Variants in IFT46 observed in about 807,000 individuals in gnomAD.
The protein encoded by IFT46 is intraflagellar transport 46.
IFT46 carries 19 observed loss-of-function variants against 39.6 expected under a neutral mutation model. The observed-to-expected ratio is 0.48, with a 90% CI of 0.33 to 0.70. IFT46 has a LOEUF of 0.70. Among genes scored for constraint, IFT46 ranks in the 30% least tolerant of loss-of-function variants. The pLI is 0.01. For synonymous variants in IFT46, 117 were observed against 134.8 expected (o/e 0.87, Z 0.91); for missense variants, 334 against 364.8 (o/e 0.92, Z 0.69).
upstream of IFT46, among the ~76,000 whole-genome samples, chr11:118,566,522 C>T (rs1198754290): frequency 6.6e-6 from 1 of 152,146 alleles, no homozygotes; most frequent in Non-Finnish European, 1.5e-5. Context: ...GAAACCCCGT[C>T]TCTACTAAAA....
upstream of IFT46, among the ~76,000 whole-genome samples, chr11:118,576,299 ATT>A (rs1218323180): frequency 1.1e-4 from 16 of 144,048 alleles, no homozygotes; most frequent in Admixed American, 2.8e-4. Flanking sequence ...TTATGAGGGA[ATT>A]TTTTTTTTTT....
exon 1 of IFT46, chr11:118,572,711 C>A (rs559487373): frequency 3.9e-6 from 3 of 774,270 alleles, no homozygotes; most frequent in South Asian, 4.0e-5. Context: ...TGTGCCCGGT[C>A]TCCTGGAGAT....
At chr11:118,553,869 T>C (rs561324513) in intron 7 of IFT46, among the ~76,000 whole-genome samples, 42 of 152,238 alleles carry the variant, frequency 2.8e-4, no homozygotes, top group Admixed American at 2.2e-3. Context: ...TAGTAATGGG[T>C]ATGAAGTTTC....
chr11:118,557,624 A>G lies in IFT46; in HGVS notation c.46-579T>C. On this transcript the variant is annotated intron_variant, in intron 3 of 11. Transcript: ENST00000264021. ...TTTTTGTTCAGTGATATTTCTCTTC[A>G]TGGAGTATCTGACCTATCTGTATTT... is the stretch of plus-strand genomic sequence containing the variant. The G allele has an allele frequency of 2.4e-6, 3 of 1,252,434 alleles. No homozygotes were observed. The South Asian group carries it at 3.9e-5, about 16-fold the overall frequency. The allele number at this position is 1,252,434 out of a possible 1,614,324, so 77.6% of individuals were successfully genotyped here. A position where few individuals can be genotyped will look rare whatever the true frequency, so the allele number is the denominator to read the frequency against.
chr11:118,563,836 C>G (rs541229939), intron 2 of IFT46, among the ~76,000 whole-genome samples: 275 of 152,222 alleles, frequency 1.8e-3, no homozygotes, highest in Non-Finnish European at 3.0e-3. Context: ...TACTTTTCCT[C>G]AGTGTCTGGA....
At chr11:118,550,881 GC>G (rs1481671778) in intron 9 of IFT46, among the ~76,000 whole-genome samples, 1 of 151,632 alleles carries the variant, frequency 6.6e-6, no homozygotes, top group Non-Finnish European at 1.5e-5. Flanking sequence ...ACAAAAATTA[GC>G]CAGGCACAGT....
At chr11:118,545,074 A>G in intron 11 of IFT46, 63 bp from the exon 12 acceptor site, 2 of 1,189,366 alleles carry the variant, frequency 1.7e-6, no homozygotes, top group Non-Finnish European at 2.5e-6. Flanking sequence ...TATTTTAACA[A>G]GAATTAATTT....
chr11:118,557,010 C>T lies in IFT46; in HGVS notation c.81G>A (p.Arg27=), dbSNP rs138493702. The T allele has an allele frequency of 9.9e-6, 16 of 1,611,876 alleles. No individual in the cohort carries two copies. In the African/African-American group the frequency reaches 2.0e-4, roughly 20 times the overall value. The change falls in exon 4 of 12, where the codon CGG becomes CGA. Residue 27 remains arginine (R), a synonymous_variant. Coordinates refer to ENST00000264021, the MANE Select transcript of IFT46 (RefSeq NM_001168618.2). ...KKKTSQLTPQ[R]GFSENEDDDD... Reference sequence around the variant, plus strand: ...CGTCATCCTCATTTTCACTAAAGCCCCGTTGAGGTGTCAACTGTGAGGTCT... The same window carrying T: ...CGTCATCCTCATTTTCACTAAAGCCTCGTTGAGGTGTCAACTGTGAGGTCT...
chr11:118,560,216 T>C (rs1340525304), intron 2 of IFT46: 1 of 195,874 alleles, frequency 5.1e-6, no homozygotes, highest in Non-Finnish European at 1.0e-5. Context: ...AGTTTGAGCC[T>C]AGACTGGACA....
chr11:118,560,149 A>G (rs1937990953), intron 2 of IFT46: 2 of 343,060 alleles, frequency 5.8e-6, no homozygotes, highest in Non-Finnish European at 1.1e-5. Flanking sequence ...GCAGTGGCTC[A>G]TGCCTATAAT....
intron 9 of IFT46, among the ~76,000 whole-genome samples, chr11:118,550,929 A>G (rs1225292336): frequency 6.6e-6 from 1 of 150,686 alleles, no homozygotes; most frequent in African/African-American, 2.4e-5. Flanking sequence ...TGGGAGGCTG[A>G]GGCAGGAGAA....
upstream of IFT46, among the ~76,000 whole-genome samples, chr11:118,573,129 C>T (rs189312935): frequency 2.9e-3 from 446 of 152,330 alleles, 1 homozygote; most frequent in Non-Finnish European, 4.8e-3. Context: ...ACCCAAGTGT[C>T]TCTGAAACCT....
upstream of IFT46, chr11:118,572,997 T>C (rs1222036532): frequency 5.5e-6 from 1 of 183,126 alleles, no homozygotes; most frequent in African/African-American, 2.3e-5. Flanking sequence ...CCCCGGTGTT[T>C]GCTAGGCCGT....
Position 118,554,485 on chromosome 11 carries a change from C to CT in IFT46, c.456dup (p.Glu153ArgfsTer4). 6.2e-7 allele frequency: 1 copy of CT among 1,612,874 alleles called. No individual in the cohort carries two copies. The highest frequency in any genetic ancestry group is 8.5e-7 in the Non-Finnish European group (1 of 1,179,578). On this transcript the variant is annotated frameshift_variant, in exon 7 of 12. Coordinates refer to ENST00000264021, the MANE Select transcript of IFT46 (RefSeq NM_001168618.2). LOFTEE classifies it high-confidence loss of function. Reference sequence around the variant, plus strand: ...GTGATGTTGTGCTGCTTAGAATTCTCTGTTAACCAGAGTGAGAGCACCGTA... The same window carrying CT: ...GTGATGTTGTGCTGCTTAGAATTCTCTTGTTAACCAGAGTGAGAGCACCGTA...
At chr11:118,550,673 CTTTAA>C (rs1462374470) in intron 9 of IFT46, among the ~76,000 whole-genome samples, 4 of 152,160 alleles carry the variant, frequency 2.6e-5, no homozygotes, top group Non-Finnish European at 5.9e-5. Context: ...CAGAAACCTA[CTTTAA>C]TTTTTTTCAA....
chr11:118,555,524 A>G, intron 4 of IFT46: 1 of 496,390 alleles, frequency 2.0e-6, no homozygotes, highest in Admixed American at 3.6e-5. Context: ...ACTCTGAAGG[A>G]CAGAGGTGCA....
intron 9 of IFT46, chr11:118,546,380 A>C (rs1951686861): frequency 6.0e-6 from 3 of 499,594 alleles, no homozygotes; most frequent in Non-Finnish European, 1.1e-5. Flanking sequence ...AGTCCCAGCT[A>C]CTTGGGAGGC....
At chr11:118,547,741 TTTC>T (rs200733275) in intron 9 of IFT46, among the ~76,000 whole-genome samples, 11,424 of 133,298 alleles carry the variant, frequency 0.086, 585 homozygotes, top group East Asian at 0.35. Flanking sequence ...TTTCTTTTCT[TTTC>T]TTTTTTTTTT....
chr11:118,570,455 G>T (rs1049831370), upstream of IFT46, among the ~76,000 whole-genome samples: 1 of 152,136 alleles, frequency 6.6e-6, no homozygotes, highest in African/African-American at 2.4e-5. Context: ...TCTTTATTTG[G>T]ATTGATGTAA....
Sources: gnomAD v4.1 joint callset for allele counts (sites outside exome capture counted in the v4.1 genomes callset) on GRCh38, gnomAD v4.1.1 for gene constraint, MANE v1.5 for transcripts, NCBI Gene and HGNC (gene_info 2026-07-23, HGNC 2026-07-21) for gene names.